Variants in ZNF180 observed in about 807,000 individuals in gnomAD.
The protein encoded by ZNF180 is zinc finger protein 180, also known as zinc finger protein 180 (HHZ168).
ZNF180 carries 11 observed loss-of-function variants against 11.8 expected under a neutral mutation model. That is an observed-to-expected ratio of 0.93 (90% CI 0.59 to 1.55). The LOEUF (loss-of-function observed/expected upper bound fraction) is 1.55. Among genes scored for constraint, ZNF180 ranks in the 40% most tolerant of loss-of-function variants. The pLI, the probability that ZNF180 is intolerant of heterozygous loss-of-function variation, is 0.00. For missense variants in ZNF180, 773 were observed against 781.7 expected, an observed-to-expected ratio of 0.99 and a Z score of 0.13; for synonymous variants, 287 against 257.7, an observed-to-expected ratio of 1.11 and a Z score of -1.09.
rs1244688601 is a variant in ZNF180, at chr19:44,474,981, G to C, written c.*1421C>G. ...GGTCATCTCATAGGGATAGAATTTT[G>C]CTAAGGATAACCCCATCAGTTACCC... On this transcript the variant is annotated 3_prime_UTR_variant, in exon 5 of 5. Coordinates refer to ENST00000592529, the MANE Select transcript of ZNF180 (RefSeq NM_001278509.3). 6.6e-6 allele frequency: 1 copy of C among 152,156 alleles called. No homozygotes were observed. Among genetic ancestry groups the C allele is most frequent in the Non-Finnish European group, 1.5e-5 (1 of 68,032 alleles). The allele number at this position is 152,156 out of a possible 1,614,324, so 9.4% of individuals were successfully genotyped here. A position where few individuals can be genotyped will look rare whatever the true frequency, so the allele number is the denominator to read the frequency against.
rs146078535 is a variant in ZNF180, at chr19:44,478,001, G to T, written c.399C>A (p.Asp133Glu). 2.4e-5 allele frequency: 39 copies of T among 1,614,006 alleles called. No homozygotes were observed. The African/African-American group carries it at 4.7e-4, about 19-fold the overall frequency. Residue 133 changes from aspartate (D) to glutamate (E), a missense_variant, in exon 5 of 5, where the codon GAC becomes GAA. Asp to Glu is a conservative substitution (Grantham distance 45). Transcript: ENST00000592529. ...SSCEEVDDCK[D>E]QLEKQQEKQE... ...GTTTTTCCTGTTGCTTCTCCAACTG[G>T]TCTTTACAATCATCCACTTCTTCAC...
At chr19:44,489,157 G>C (rs1222396596) in intron 2 of ZNF180, among the ~76,000 whole-genome samples, 1 of 131,718 alleles carries the variant, frequency 7.6e-6, no homozygotes, top group Admixed American at 7.7e-5. Flanking sequence ...GAGGTGGGGG[G>C]GCCAGCCCCC....
chr19:44,500,079 G>A (rs1970704910), intron 1 of ZNF180, 196 bp downstream of exon 1: 1 of 1,466,808 alleles, frequency 6.8e-7, no homozygotes, highest in Non-Finnish European at 9.5e-7. Context: ...CCAAGCACCC[G>A]CGCATGCACG....
intron 2 of ZNF180, among the ~76,000 whole-genome samples, chr19:44,492,280 C>G (rs943314658): frequency 4.6e-5 from 7 of 152,194 alleles, no homozygotes; most frequent in African/African-American, 1.7e-4. Context: ...TAAAAGTTCT[C>G]TGCATTTGAC....
Position 44,476,492 on chromosome 19 carries a change from A to C in ZNF180, c.1908T>G (p.Cys636Trp). 6.2e-7 allele frequency: 1 copy of C among 1,614,140 alleles called. No individual in the cohort carries two copies. The highest frequency in any genetic ancestry group is 8.5e-7 in the Non-Finnish European group (1 of 1,179,998). ...RTHTGEKPFT[C>W]IQCGKAFINS... is the part of the protein sequence containing the mutation. ...TAATGAAAGCTTTTCCACACTGAAT[A>C]CATGTAAAGGGTTTCTCTCCAGTAT... The change falls in exon 5 of 5, where the codon TGT (cysteine) becomes TGG (tryptophan). Residue 636 changes from cysteine to tryptophan, a missense_variant. Coordinates refer to ENST00000592529, the MANE Select transcript of ZNF180 (RefSeq NM_001278509.3).
intron 1 of ZNF180, among the ~76,000 whole-genome samples, chr19:44,498,486 C>T (rs1173864810): frequency 1.3e-5 from 2 of 152,184 alleles, no homozygotes; most frequent in Non-Finnish European, 2.9e-5. Context: ...GCCACACCTG[C>T]CCAGATTCTG....
intron 1 of ZNF180, among the ~76,000 whole-genome samples, chr19:44,499,978 G>A (rs1391299328): frequency 6.6e-6 from 1 of 152,176 alleles, no homozygotes; most frequent in Non-Finnish European, 1.5e-5. Flanking sequence ...TGGAGGAGGG[G>A]AGTTCTCAAG....
chr19:44,481,187 A>C lies in ZNF180; in HGVS notation c.127-1778T>G, dbSNP rs139988017. Among the ~76,000 whole-genome samples the C allele has an allele frequency of 4.6e-5, 7 of 152,282 alleles. No individual in the cohort carries two copies. The East Asian group carries it at 1.4e-3, about 29-fold the overall frequency. ...GCACAGCAAAGGCAAGGGGAAGTCG[A>C]ATGCCTCTTGCCACTAAAGGCTCTT... On this transcript the variant is annotated intron_variant, in intron 3 of 4. Transcript: ENST00000592529.
At chr19:44,490,868 AAGCTCATCTTTCCTC>A (rs1970433019) in intron 2 of ZNF180, among the ~76,000 whole-genome samples, 1 of 152,354 alleles carries the variant, frequency 6.6e-6, no homozygotes, top group East Asian at 1.9e-4. Context: ...AAACAAAAGA[AAGCTCATCTTTCCTC>A]AAGGTAGACT....
intron 2 of ZNF180, among the ~76,000 whole-genome samples, chr19:44,493,827 C>A (rs1438032080): frequency 1.3e-5 from 2 of 152,146 alleles, no homozygotes; most frequent in Admixed American, 6.5e-5. Flanking sequence ...GGAAAGAGGC[C>A]TCTCTGGTGT....
At chr19:44,488,029 T>C (rs1970277781) in intron 2 of ZNF180, among the ~76,000 whole-genome samples, 1 of 151,944 alleles carries the variant, frequency 6.6e-6, no homozygotes, top group African/African-American at 2.4e-5. Context: ...CCAGACTACT[T>C]TTAAAAATAA....
rs757026883 is a variant in ZNF180, at chr19:44,476,723, G to A, written c.1677C>T (p.Phe559=). The A allele has an allele frequency of 6.2e-7, 1 of 1,614,018 alleles. No individual in the cohort carries two copies. Residue 559 remains phenylalanine, a synonymous_variant, in exon 5 of 5, where the codon TTC becomes TTT. Coordinates refer to ENST00000592529, the MANE Select transcript of ZNF180 (RefSeq NM_001278509.3). Reference sequence around the variant, plus strand: ...GTACAACAAGAACATAACTCTGGCTGAAGGATTTCCCACACTGATTACATT... The same window carrying A: ...GTACAACAAGAACATAACTCTGGCTAAAGGATTTCCCACACTGATTACATT... ...PYECNQCGKS[F]SQSYVLVVHQ... is the part of the protein sequence containing the mutation.
At chr19:44,483,041 T>A (rs1970123622) in intron 3 of ZNF180, among the ~76,000 whole-genome samples, 1 of 152,232 alleles carries the variant, frequency 6.6e-6, no homozygotes, top group Non-Finnish European at 1.5e-5. Flanking sequence ...ACACTCCACC[T>A]TTTGAATCAC....
chr19:44,482,484 G>A (rs2571042), intron 3 of ZNF180, among the ~76,000 whole-genome samples: 78,332 of 151,610 alleles, frequency 0.52, 20,952 homozygotes, highest in South Asian at 0.69. Context: ...CAAAGAAGGA[G>A]TGCATGTCCT....
intron 3 of ZNF180, among the ~76,000 whole-genome samples, chr19:44,481,783 C>CT (rs1970086895): frequency 6.6e-6 from 1 of 152,126 alleles, no homozygotes; most frequent in African/African-American, 2.4e-5. Flanking sequence ...ATCAATAAAC[C>CT]TTATAAGATA....
rs1969837780 is a variant in ZNF180, at chr19:44,475,417, A to G, written c.*985T>C. On this transcript the variant is annotated 3_prime_UTR_variant, in exon 5 of 5. Transcript: ENST00000592529. ...CACTTGCCCTCTATACTTCCCACGC[A>G]TTCTCAGTTCTTCATATGAAACCAT... is the stretch of plus-strand genomic sequence containing the variant. 1 of 150,274 alleles carries G rather than the reference A, an allele frequency of 6.7e-6. No homozygotes were observed. Among genetic ancestry groups the G allele is most frequent in the African/African-American group, 2.5e-5 (1 of 39,684 alleles). 9.3% of individuals were successfully genotyped at this position (150,274 alleles called of 1,614,324 possible).
At chr19:44,481,449 G>C (rs114071038) in intron 3 of ZNF180, among the ~76,000 whole-genome samples, 1,526 of 152,186 alleles carry the variant, frequency 0.01, 30 homozygotes, top group African/African-American at 0.034. Flanking sequence ...TGTAATGCAT[G>C]CTTCTTTTTA....
chr19:44,483,879 A>T (rs1206094120), intron 3 of ZNF180, among the ~76,000 whole-genome samples: 2 of 152,212 alleles, frequency 1.3e-5, no homozygotes, highest in Non-Finnish European at 2.9e-5. Context: ...CCTTTAAAAA[A>T]AACCCTCAAT....
At chr19:44,490,036 AAG>A (rs1292347848) in intron 2 of ZNF180, among the ~76,000 whole-genome samples, 2,042 of 138,276 alleles carry the variant, frequency 0.015, 27 homozygotes, top group East Asian at 0.041. Context: ...ACAGGAAAGA[AAG>A]AGGGAAGGGA....
Sources: gnomAD v4.1 joint callset for allele counts (sites outside exome capture counted in the v4.1 genomes callset) on GRCh38, gnomAD v4.1.1 for gene constraint, MANE v1.5 for transcripts, NCBI Gene and HGNC (gene_info 2026-07-23, HGNC 2026-07-21) for gene names.